RBFOX1: variants seen among roughly 807,000 people sequenced by gnomAD.
The protein encoded by RBFOX1 is RNA binding fox-1 homolog 1.
RBFOX1 carries 8 observed loss-of-function variants against 57.7 expected under a neutral mutation model. That is an observed-to-expected ratio of 0.14 (90% CI 0.08 to 0.25). The LOEUF is 0.25. Among genes scored for constraint, RBFOX1 ranks in the 10% least tolerant of loss-of-function variants. The pLI is 1.00. For missense variants in RBFOX1, 611 were observed against 548.5 expected (o/e 1.11, Z -1.14); for synonymous variants, 326 against 222.4 (o/e 1.47, Z -4.15).
At chr16:5,807,155 C>G (rs1399732970) in intron 3 of RBFOX1, among the ~76,000 whole-genome samples, 2 of 152,202 alleles carry the variant, frequency 1.3e-5, no homozygotes, top group Non-Finnish European at 2.9e-5. Flanking sequence ...AACACAATTA[C>G]TTAACCTCTC....
At chr16:5,986,444 C>A (rs978683510) in intron 4 of RBFOX1, among the ~76,000 whole-genome samples, 3 of 152,176 alleles carry the variant, frequency 2.0e-5, no homozygotes, top group African/African-American at 7.2e-5. Context: ...CAGTTTCTCC[C>A]AGTGTCAACA....
intron 2 of RBFOX1, among the ~76,000 whole-genome samples, chr16:6,646,008 G>A (rs1195312151): frequency 6.6e-6 from 1 of 152,124 alleles, no homozygotes; most frequent in African/African-American, 2.4e-5. Context: ...GCTGTTCAGG[G>A]TTTCCCGGCT....
chr16:7,370,358 G>T (rs964589490), intron 4 of RBFOX1, among the ~76,000 whole-genome samples: 3 of 152,208 alleles, frequency 2.0e-5, no homozygotes, highest in Admixed American at 1.3e-4. Context: ...CCTAACTGCA[G>T]TAATGGTATT....
At chr16:6,336,229 C>T (rs2083728796) in intron 2 of RBFOX1, among the ~76,000 whole-genome samples, 1 of 93,034 alleles carries the variant, frequency 1.1e-5, no homozygotes, top group Non-Finnish European at 2.0e-5. Context: ...GATGGAGTCT[C>T]GCTCTGTCGC....
chr16:7,686,767 T>G (rs1372569530), intron 14 of RBFOX1, among the ~76,000 whole-genome samples: 1 of 152,124 alleles, frequency 6.6e-6, no homozygotes, highest in Non-Finnish European at 1.5e-5. Context: ...AGCATGGTTT[T>G]CAGATTCACG....
intron 1 of RBFOX1, among the ~76,000 whole-genome samples, chr16:5,324,243 A>C (rs2064496564): frequency 6.6e-6 from 1 of 152,208 alleles, no homozygotes; most frequent in Admixed American, 6.5e-5. Flanking sequence ...CAGGTGGATC[A>C]CTTGAAGTCA....
intron 4 of RBFOX1, among the ~76,000 whole-genome samples, chr16:5,869,362 A>C (rs900753411): frequency 1.3e-5 from 2 of 152,058 alleles, no homozygotes; most frequent in Non-Finnish European, 2.9e-5. Context: ...CAATCATCCA[A>C]CAAGAAAACG....
At chr16:7,119,136 G>A (rs1424811967) in intron 4 of RBFOX1, among the ~76,000 whole-genome samples, 9 of 152,138 alleles carry the variant, frequency 5.9e-5, no homozygotes, top group Admixed American at 5.9e-4. Context: ...GTGTGCTCTT[G>A]ATCTGAGGAA....
At chr16:7,242,213 C>T (rs1363272946) in intron 4 of RBFOX1, among the ~76,000 whole-genome samples, 2 of 152,118 alleles carry the variant, frequency 1.3e-5, no homozygotes, top group Non-Finnish European at 2.9e-5. Flanking sequence ...ACTACTGTCT[C>T]CTAGTTTATC....
intron 1 of RBFOX1, among the ~76,000 whole-genome samples, chr16:5,355,997 A>G (rs2065379367): frequency 6.6e-6 from 1 of 152,200 alleles, no homozygotes; most frequent in Non-Finnish European, 1.5e-5. Context: ...AGGCTGTGAC[A>G]TGAGAATTGC....
At chr16:6,675,731 C>T (rs1461108705) in intron 3 of RBFOX1, among the ~76,000 whole-genome samples, 2 of 152,170 alleles carry the variant, frequency 1.3e-5, no homozygotes, top group Admixed American at 1.3e-4. Flanking sequence ...AAAGGGCTTT[C>T]CCTTTATGAA....
In RBFOX1 at chr16:6,815,135, G is replaced by A. The variant is rs564325081; in HGVS notation, c.-16+160485G>A. ...CCATATAGCGTAACTTCCGGGTGTT[G>A]CTACAGCATTTGTAAACTGTCATGG... is the stretch of plus-strand genomic sequence containing the variant. On this transcript the variant is annotated intron_variant, in intron 3 of 15. Transcript: ENST00000550418. Among the ~76,000 whole-genome samples the A allele has an allele frequency of 3.9e-5, 6 of 152,282 alleles. No homozygotes were observed. The East Asian group carries it at 9.7e-4, about 25-fold the overall frequency.
chr16:5,274,131 T>C (rs1207374620), intron 1 of RBFOX1, among the ~76,000 whole-genome samples: 2 of 152,206 alleles, frequency 1.3e-5, no homozygotes, highest in East Asian at 1.9e-4. Flanking sequence ...AAGCTCCATA[T>C]AGACATATCC....
chr16:5,519,855 A>G (rs2043943276), intron 2 of RBFOX1, among the ~76,000 whole-genome samples: 1 of 152,164 alleles, frequency 6.6e-6, no homozygotes, highest in South Asian at 2.1e-4. Context: ...TTTCTCATTT[A>G]TTCATGAATG....
chr16:6,671,647 G>A (rs1261717717), intron 3 of RBFOX1, among the ~76,000 whole-genome samples: 7 of 152,060 alleles, frequency 4.6e-5, no homozygotes, highest in African/African-American at 9.7e-5. Flanking sequence ...CCCAAAGTCC[G>A]TTCTATCATT....
At chr16:6,874,436 G>A (rs957259690) in intron 3 of RBFOX1, among the ~76,000 whole-genome samples, 4 of 145,036 alleles carry the variant, frequency 2.8e-5, no homozygotes, top group African/African-American at 1.0e-4. Context: ...CTTGAATCCA[G>A]GAGATGGAGG....
intron 4 of RBFOX1, among the ~76,000 whole-genome samples, chr16:5,948,981 T>C (rs561426494): frequency 6.6e-6 from 1 of 152,310 alleles, no homozygotes; most frequent in South Asian, 2.1e-4. Flanking sequence ...TCTCTCTTGC[T>C]GTCACAATCT....
intron 2 of RBFOX1, among the ~76,000 whole-genome samples, chr16:5,525,776 G>A (rs1025910300): frequency 6.6e-6 from 1 of 152,040 alleles, no homozygotes; most frequent in African/African-American, 2.4e-5. Context: ...GGGAATACAG[G>A]GGTGAGCCAC....
chr16:5,343,682 A>G (rs2065081899), intron 1 of RBFOX1, among the ~76,000 whole-genome samples: 1 of 152,176 alleles, frequency 6.6e-6, no homozygotes, highest in African/African-American at 2.4e-5. Flanking sequence ...CGAATACAAT[A>G]TGGGTGCCAG....
Sources: gnomAD v4.1 joint callset for allele counts (sites outside exome capture counted in the v4.1 genomes callset) on GRCh38, gnomAD v4.1.1 for gene constraint, MANE v1.5 for transcripts, NCBI Gene and HGNC (gene_info 2026-07-23, HGNC 2026-07-21) for gene names.